LYST: variants seen among roughly 807,000 people sequenced by gnomAD.
LYST encodes lysosomal trafficking regulator.
Under a neutral mutation model 413.6 loss-of-function variants are expected in LYST, and 192 were observed. That is an observed-to-expected ratio of 0.46 (90% CI 0.41 to 0.52). The LOEUF is 0.52. Among genes scored for constraint, LYST ranks in the 20% least tolerant of loss-of-function variants. The pLI is 0.00. For synonymous variants in LYST, 1,525 were observed against 1,567.3 expected (o/e 0.97, Z 0.64); for missense variants, 3,815 against 4,499.9 (o/e 0.85, Z 4.35).
intron 11 of LYST, 27 bp from the exon 12 acceptor site, chr1:235,792,152 C>T: frequency 7.0e-7 from 1 of 1,438,384 alleles, no homozygotes; most frequent in Non-Finnish European, 9.8e-7. Flanking sequence ...ACAAATGAAA[C>T]TTTCTAATCA....
chr1:235,742,160 A>C (rs1665462419), intron 30 of LYST, among the ~76,000 whole-genome samples: 1 of 152,066 alleles, frequency 6.6e-6, no homozygotes, highest in South Asian at 2.1e-4. Context: ...ATTTGGGATA[A>C]TTAAAAAGTT....
At chr1:235,794,451 C>T (rs540344905) in intron 10 of LYST, among the ~76,000 whole-genome samples, 118 of 152,022 alleles carry the variant, frequency 7.8e-4, no homozygotes, top group African/African-American at 2.8e-3. Context: ...TTCTTTGGAG[C>T]AAAATAATAA....
intron 47 of LYST, among the ~76,000 whole-genome samples, chr1:235,691,412 C>T (rs1178911076): frequency 1.3e-5 from 2 of 152,176 alleles, no homozygotes; most frequent in African/African-American, 2.4e-5. Context: ...GGGCTTTAGG[C>T]CCAATGTTCT....
In LYST at chr1:235,770,060, A is replaced by G. The variant is rs58085361; in HGVS notation, c.5922+100T>C. The G allele has an allele frequency of 8.4e-3, 9,172 of 1,097,154 alleles. 479 individuals are homozygous for G. The African/African-American group carries it at 0.13, about 16-fold the overall frequency. 68.0% of individuals were successfully genotyped at this position (1,097,154 alleles called of 1,614,324 possible). ...TGGAGAGAAGATGGAAAAAAAAAAG[A>G]AAAAAAGTCCCATTGAAAGTGCCAC... On this transcript the variant is annotated intron_variant, in intron 20 of 52. Transcript: ENST00000389793.
intron 41 of LYST, among the ~76,000 whole-genome samples, chr1:235,715,905 C>T (rs533007941): frequency 6.6e-6 from 1 of 152,002 alleles, no homozygotes; most frequent in African/African-American, 2.4e-5. Context: ...TTCACTACTC[C>T]TATCTTCCCA....
chr1:235,712,193 T>C lies in LYST; in HGVS notation c.9789A>G (p.Gln3263=), dbSNP rs1662451042. 1 of 1,577,808 alleles carries C rather than the reference T, an allele frequency of 6.3e-7. No individual in the cohort carries two copies. Among genetic ancestry groups the C allele is most frequent in the Non-Finnish European group, 8.6e-7 (1 of 1,156,476 alleles). ...FTKMFLAYQD[Q]SFDIPDRTFH... Reference sequence around the variant, plus strand: ...AAGTTCTGTCTGGAATGTCAAAACTTTGATCTATAAAAAAATACAAATAAT... The same window carrying C: ...AAGTTCTGTCTGGAATGTCAAAACTCTGATCTATAAAAAAATACAAATAAT... The change falls in exon 43 of 53, where the codon CAA becomes CAG. Residue 3263 remains glutamine, a synonymous_variant. Transcript: ENST00000389793.
At chr1:235,768,769 T>C (rs9803712) in intron 20 of LYST, among the ~76,000 whole-genome samples, 6,080 of 152,090 alleles carry the variant, frequency 0.04, 417 homozygotes, top group African/African-American at 0.14. Flanking sequence ...TTGGCCAATA[T>C]ATTTCAAAAT....
At chr1:235,737,934 G>GC in intron 31 of LYST, 1 of 1,171,148 alleles carries the variant, frequency 8.5e-7, no homozygotes, top group Non-Finnish European at 1.1e-6. Context: ...TCTCACTGCC[G>GC]CGTGCCCCAA....
rs59556548 is a variant in LYST, at chr1:235,816,128, C to CAAAAAA, written c.193-3073_193-3068dup. Among the ~76,000 whole-genome samples the CAAAAAA allele has an allele frequency of 1.9e-3, 23 of 11,804 alleles. 5 individuals are homozygous for CAAAAAA. Among genetic ancestry groups the CAAAAAA allele is most frequent in the Non-Finnish European group, 2.2e-3 (17 of 7,662 alleles). 7.7% of individuals were successfully genotyped at this position (11,804 alleles called of 152,430 possible). On this transcript the variant is annotated intron_variant, in intron 3 of 52. Transcript: ENST00000389793. ...CTGGCAACAAAGTGAGACTCCATCT[C>CAAAAAA]AAAAAAAAAAAAAAAAAAAAAAAAA...
At chr1:235,811,069 T>A (rs1673405485) in intron 4 of LYST, among the ~76,000 whole-genome samples, 1 of 152,122 alleles carries the variant, frequency 6.6e-6, no homozygotes, top group African/African-American at 2.4e-5. Flanking sequence ...CTCTTGAACC[T>A]GGGAGGCAGA....
intron 3 of LYST, chr1:235,828,786 C>T: frequency 1.2e-6 from 1 of 816,884 alleles, no homozygotes; most frequent in Non-Finnish European, 1.5e-6. Context: ...CAAAATAAAT[C>T]ACTATACATG....
intron 38 of LYST, among the ~76,000 whole-genome samples, chr1:235,727,495 T>C (rs940277088): frequency 2.0e-5 from 3 of 152,112 alleles, no homozygotes; most frequent in Non-Finnish European, 4.4e-5. Context: ...TCCTTAGGAA[T>C]TCCCGGCTTT....
At chr1:235,844,743 A>G (rs1677593422) in intron 1 of LYST, among the ~76,000 whole-genome samples, 1 of 143,280 alleles carries the variant, frequency 7.0e-6, no homozygotes, top group Non-Finnish European at 1.5e-5. Context: ...AATGCAGGAC[A>G]CTGGTGGGGG....
At chr1:235,677,061 G>A in intron 50 of LYST, 30 bp downstream of exon 50, 2 of 1,524,652 alleles carry the variant, frequency 1.3e-6, no homozygotes, top group South Asian at 1.1e-5. Context: ...GCACCAGCCA[G>A]CCCTGTGCTT....
intron 10 of LYST, 21 bp downstream of exon 10, chr1:235,800,299 T>C (rs1402105792): frequency 1.4e-6 from 2 of 1,448,798 alleles, no homozygotes; most frequent in South Asian, 2.3e-5. Context: ...AGAGCTATTG[T>C]TTAAAACAGT....
rs758551378 is a variant in LYST, at chr1:235,830,261, G to T, written c.157C>A (p.Leu53Ile). The T allele has an allele frequency of 6.2e-7, 1 of 1,613,758 alleles. No homozygotes were observed. Among genetic ancestry groups the T allele is most frequent in the Admixed American group, 1.7e-5 (1 of 59,988 alleles). ...ATAGAATTTAGCTTGGTAAGTAATA[G>T]AAATCCTCGACCATGGACAAGGTAC... ...GQYLVHGRGF[L>I]LLTKLNSIID... Residue 53 changes from leucine (L) to isoleucine (I), a missense_variant, in exon 3 of 53, where the codon CTA becomes ATA. Physicochemically the swap from Leu to Ile is conservative, Grantham distance 5. Around this residue, in one of 4 missense-constraint regions of LYST, gnomAD observed 1,648 missense variants for 1,810.3 expected, o/e 0.91. Coordinates refer to ENST00000389793, the MANE Select transcript of LYST (RefSeq NM_000081.4).
chr1:235,773,818 G>A (rs774926279), intron 19 of LYST, 24 bp downstream of exon 19: 1 of 1,601,466 alleles, frequency 6.2e-7, no homozygotes, highest in Non-Finnish European at 8.6e-7. Context: ...AATAAAAAAT[G>A]GAAAAAAAGT....
intron 1 of LYST, among the ~76,000 whole-genome samples, chr1:235,861,848 A>G (rs1156906816): frequency 1.3e-5 from 2 of 152,192 alleles, no homozygotes; most frequent in African/African-American, 4.8e-5. Context: ...ATTGCTACAA[A>G]TACTATATAA....
rs1231724179 is a variant in LYST, at chr1:235,686,200, C to T, written c.10800+749G>A. Among the ~76,000 whole-genome samples, 1 of 151,942 alleles carries T rather than the reference C, an allele frequency of 6.6e-6. No homozygotes were observed. Among genetic ancestry groups the T allele is most frequent in the Non-Finnish European group, 1.5e-5 (1 of 67,980 alleles). Reference sequence around the variant, plus strand: ...TGGCCAACATGGCAAAACCCCATCTCTACTAAAACTACAAAACTTGGCCGG... The same window carrying T: ...TGGCCAACATGGCAAAACCCCATCTTTACTAAAACTACAAAACTTGGCCGG... On this transcript the variant is annotated intron_variant, in intron 48 of 52. Transcript: ENST00000389793. The surrounding 1 kb of genome is among the most constrained non-coding windows in gnomAD (Gnocchi z 4.0).
Sources: allele counts gnomAD v4.1 joint callset (sites outside exome capture counted in the v4.1 genomes callset), GRCh38; gene constraint gnomAD v4.1.1; regional missense constraint gnomAD v4.1.1; non-coding constraint Gnocchi (gnomAD v3.1); transcripts MANE v1.5; gene names NCBI Gene and HGNC (gene_info 2026-07-23, HGNC 2026-07-21).